MALT1: variants seen among roughly 807,000 people sequenced by gnomAD.
MALT1 encodes the protein MALT1 paracaspase.
MALT1 carries 36 observed loss-of-function variants against 85.5 expected under a neutral mutation model. The observed-to-expected ratio is 0.42, with a 90% CI of 0.32 to 0.56. The LOEUF is 0.56. MALT1 is among the 20% of genes least tolerant of loss of function. The pLI is 0.10. For synonymous variants in MALT1, 359 were observed against 361.3 expected, an observed-to-expected ratio of 0.99 and a Z score of 0.07; for missense variants, 716 against 981.6, an observed-to-expected ratio of 0.73 and a Z score of 3.62.
rs1232565011 is a variant in MALT1, at chr18:58,751,292, C to CA, written c.*3457dup. On this transcript the variant is annotated 3_prime_UTR_variant, in exon 17 of 17. Transcript: ENST00000649217. ...CAAAACCCTGTCTCTATTAAAAATA[C>CA]AAAAAAATTAGCTGGGCATGGTGGC... 1 of 152,098 alleles carries CA rather than the reference C, an allele frequency of 6.6e-6. No homozygotes were observed. The highest frequency in any genetic ancestry group is 1.5e-5 in the Non-Finnish European group (1 of 68,070). 9.4% of individuals were successfully genotyped at this position (152,098 alleles called of 1,614,324 possible). A position where few individuals can be genotyped will look rare whatever the true frequency, so the allele number is the denominator to read the frequency against.
At position 58,750,522 on chromosome 18, in the gene MALT1, C is replaced by CG; in HGVS notation, c.*2680_*2681insG. 1.3e-5 allele frequency: 2 copies of CG among 152,338 alleles called. No homozygotes were observed. The highest frequency in any genetic ancestry group is 3.9e-4 in the East Asian group (2 of 5,190). The allele number at this position is 152,338 out of a possible 1,614,324, so 9.4% of individuals were successfully genotyped here. On this transcript the variant is annotated 3_prime_UTR_variant, in exon 17 of 17. Coordinates refer to ENST00000649217, the MANE Select transcript of MALT1 (RefSeq NM_006785.4). ...CCAAGCTACAATAAGACAGTGTAGG[C>CG]ATATGGATAGACATATCGATCAGAG...
At chr18:58,694,506 G>A (rs1477132943) in intron 2 of MALT1, among the ~76,000 whole-genome samples, 2 of 152,166 alleles carry the variant, frequency 1.3e-5, no homozygotes, top group Non-Finnish European at 2.9e-5. Flanking sequence ...AGTAGGTGCA[G>A]GAAATTAAGT....
intron 4 of MALT1, among the ~76,000 whole-genome samples, chr18:58,707,081 G>C (rs2054762781): frequency 6.6e-6 from 1 of 151,040 alleles, no homozygotes. Context: ...CTTCTAACCT[G>C]TTTTCAAGAT....
At chr18:58,746,710 AAAACTGG>A (rs2055371767) in intron 16 of MALT1, among the ~76,000 whole-genome samples, 1 of 151,200 alleles carries the variant, frequency 6.6e-6, no homozygotes, top group Non-Finnish European at 1.5e-5. Context: ...CTTTTTTTAT[AAAACTGG>A]TATAAAACCA....
At chr18:58,703,265 T>C (rs1279830698) in intron 4 of MALT1, among the ~76,000 whole-genome samples, 1 of 151,814 alleles carries the variant, frequency 6.6e-6, no homozygotes, top group South Asian at 2.1e-4. Flanking sequence ...GCTGAGGCAG[T>C]AGAATCGCTT....
intron 13 of MALT1, among the ~76,000 whole-genome samples, chr18:58,741,031 C>A (rs1346099862): frequency 6.6e-6 from 1 of 152,088 alleles, no homozygotes; most frequent in Non-Finnish European, 1.5e-5. Flanking sequence ...GCCACACCAA[C>A]TTCCTTTTTG....
chr18:58,735,854 A>G (rs2055215068), intron 13 of MALT1, among the ~76,000 whole-genome samples: 1 of 152,212 alleles, frequency 6.6e-6, no homozygotes, highest in African/African-American at 2.4e-5. Flanking sequence ...AGGGGGTCTA[A>G]TGCCACATCT....
chr18:58,722,590 G>GC (rs1555687668), intron 9 of MALT1, among the ~76,000 whole-genome samples: 5 of 151,904 alleles, frequency 3.3e-5, no homozygotes, highest in Non-Finnish European at 1.5e-5. Context: ...ACTCTGATGG[G>GC]ATTCTTCCTG....
Position 58,677,118 on chromosome 18 carries a change from G to GA in MALT1, c.210-4049dup, listed in dbSNP as rs552891786. Among the ~76,000 whole-genome samples the GA allele has an allele frequency of 5.7e-3, 870 of 152,174 alleles. 2 individuals are homozygous for GA. Among genetic ancestry groups the GA allele is most frequent in the Non-Finnish European group, 7.4e-3 (505 of 67,976 alleles). On this transcript the variant is annotated intron_variant, in intron 1 of 16. Transcript: ENST00000649217. ...TCTTACAGGAATGTAACTTAAAAAG[G>GA]AAAGAAAGAAAAGTTAGGTATGTAT...
At chr18:58,734,244 C>G in intron 11 of MALT1, 63 bp from the exon 12 acceptor site, 1 of 1,248,192 alleles carries the variant, frequency 8.0e-7, no homozygotes, top group Non-Finnish European at 1.2e-6. Context: ...TATTTATACC[C>G]TTTTAAGAAT....
At chr18:58,688,888 C>A (rs552231122) in intron 2 of MALT1, among the ~76,000 whole-genome samples, 88 of 152,258 alleles carry the variant, frequency 5.8e-4, no homozygotes, top group Non-Finnish European at 9.6e-4. Flanking sequence ...TGGTGGCTCA[C>A]TCCTATAATC....
chr18:58,717,601 C>T (rs1479091874), intron 9 of MALT1, among the ~76,000 whole-genome samples: 1 of 151,958 alleles, frequency 6.6e-6, no homozygotes, highest in Non-Finnish European at 1.5e-5. Flanking sequence ...AGAAGATAGG[C>T]TGGGTGTGGT....
At position 58,747,916 on chromosome 18, in the gene MALT1, T is replaced by C; in HGVS notation, c.*74T>C. ...TACTGCACTTACATAAAGTGAGACA[T>C]TGTGAAAAGGCAAATTTGTATATGT... is the stretch of plus-strand genomic sequence containing the variant. On this transcript the variant is annotated 3_prime_UTR_variant, in exon 17 of 17. Coordinates refer to ENST00000649217, the MANE Select transcript of MALT1 (RefSeq NM_006785.4). 1 of 1,283,714 alleles carries C rather than the reference T, an allele frequency of 7.8e-7. No individual in the cohort carries two copies. Among genetic ancestry groups the C allele is most frequent in the Non-Finnish European group, 1.1e-6 (1 of 915,858 alleles). The allele number at this position is 1,283,714 out of a possible 1,614,324, so 79.5% of individuals were successfully genotyped here.
chr18:58,688,957 G>C (rs2054453229), intron 2 of MALT1, among the ~76,000 whole-genome samples: 1 of 152,038 alleles, frequency 6.6e-6, no homozygotes, highest in African/African-American at 2.4e-5. Flanking sequence ...CTCAAGACCA[G>C]CCTGGGCAAC....
intron 7 of MALT1, 74 bp downstream of exon 7, chr18:58,711,027 G>A (rs2054824533): frequency 1.9e-6 from 2 of 1,028,808 alleles, no homozygotes; most frequent in Non-Finnish European, 2.9e-6. Context: ...AGTGCTTTTA[G>A]CCTACTGAGT....
chr18:58,747,922 A>T lies in MALT1; in HGVS notation c.*80A>T. The T allele has an allele frequency of 1.6e-5, 18 of 1,136,058 alleles. No individual in the cohort carries two copies. Among genetic ancestry groups the T allele is most frequent in the Non-Finnish European group, 2.3e-5 (18 of 782,638 alleles). 70.4% of individuals were successfully genotyped at this position (1,136,058 alleles called of 1,614,324 possible). On this transcript the variant is annotated 3_prime_UTR_variant, in exon 17 of 17. Transcript: ENST00000649217. ...ACTTACATAAAGTGAGACATTGTGA[A>T]AAGGCAAATTTGTATATGTAGAGAA...
At position 58,752,714 on chromosome 18, in the gene MALT1, C is replaced by G. The variant is rs1442057182; in HGVS notation, c.*4872C>G. 1 of 151,968 alleles carries G rather than the reference C, an allele frequency of 6.6e-6. No individual in the cohort carries two copies. The highest frequency in any genetic ancestry group is 1.5e-5 in the Non-Finnish European group (1 of 68,040). 9.4% of individuals were successfully genotyped at this position (151,968 alleles called of 1,614,324 possible). On this transcript the variant is annotated 3_prime_UTR_variant, in exon 17 of 17. Coordinates refer to ENST00000649217, the MANE Select transcript of MALT1 (RefSeq NM_006785.4). ...ACTCAGGAGGCTGAAGTGGGACGAT[C>G]GCTTGAGCCCAGAAGGCAGAGGTTA...
intron 2 of MALT1, among the ~76,000 whole-genome samples, chr18:58,688,853 T>C (rs2054451490): frequency 6.6e-6 from 1 of 152,040 alleles, no homozygotes; most frequent in South Asian, 2.1e-4. Flanking sequence ...GGGAGATATA[T>C]TGAGAATCAC....
intron 4 of MALT1, among the ~76,000 whole-genome samples, chr18:58,704,780 A>G (rs903321418): frequency 6.7e-6 from 1 of 148,884 alleles, no homozygotes; most frequent in Admixed American, 6.7e-5. Flanking sequence ...TTTTTTGTAT[A>G]GTATATGTTT....
Sources: allele counts gnomAD v4.1 joint callset (sites outside exome capture counted in the v4.1 genomes callset), GRCh38; gene constraint gnomAD v4.1.1; transcripts MANE v1.5; gene names NCBI Gene and HGNC (gene_info 2026-07-23, HGNC 2026-07-21).